The following PCNX2 variants were observed in gnomAD, a reference collection of about 807,000 sequenced individuals.
The protein encoded by PCNX2 is pecanex 2, also known as pecanex-like protein 2.
In PCNX2, 168 loss-of-function variants were observed where a neutral mutation model predicts 223.8. The observed-to-expected ratio is 0.75, with a 90% CI of 0.66 to 0.85. The LOEUF is 0.85. PCNX2 is among the 40% of genes least tolerant of loss of function. The probability of loss-of-function intolerance (pLI) is 0.00; values close to 1 mark genes in which losing one functional copy is unlikely to be tolerated. For missense variants in PCNX2, 2,507 were observed against 2,675.5 expected (o/e 0.94, Z 1.39); for synonymous variants, 1,006 against 1,052.6 (o/e 0.96, Z 0.86).
intron 1 of PCNX2, chr1:233,289,390 C>T (rs550951156): frequency 8.0e-6 from 11 of 1,374,414 alleles, no homozygotes; most frequent in African/African-American, 5.7e-5. Flanking sequence ...ATGCGGGACT[C>T]GAACTCGTCC....
chr1:233,252,532 T>C, intron 6 of PCNX2, 33 bp from the exon 7 acceptor site: 3 of 1,589,276 alleles, frequency 1.9e-6, no homozygotes, highest in Non-Finnish European at 2.6e-6. Flanking sequence ...AAAAAAATGA[T>C]TAGAAGTTCC....
rs1304050785 is a variant in PCNX2 at position 233,211,705 on chromosome 1, T to G, written c.2692-3016A>C. ...TTTGCCTGGCTTCCTCTACCAACCA[T>G]GGGGAGGCATGCATGTGGCACTGGA... is the stretch of plus-strand genomic sequence containing the variant. On this transcript the variant is annotated intron_variant, in intron 12 of 33. Transcript: ENST00000258229. 9.9e-6 allele frequency: 9 copies of G among 912,860 alleles called. No homozygotes were observed. In the African/African-American group the frequency reaches 1.6e-4, roughly 16 times the overall value. 56.5% of individuals were successfully genotyped at this position (912,860 alleles called of 1,614,324 possible).
At chr1:233,094,068 C>T (rs1052399296) in intron 22 of PCNX2, among the ~76,000 whole-genome samples, 38 of 152,114 alleles carry the variant, frequency 2.5e-4, no homozygotes, top group African/African-American at 8.7e-4. Flanking sequence ...TTAATTCAGT[C>T]GTGGAACTCC....
the PCNX2 span, among the ~76,000 whole-genome samples, chr1:233,319,875 C>A: frequency 6.6e-6 from 1 of 152,048 alleles, no homozygotes; most frequent in Admixed American, 6.6e-5. Context: ...ATTAATAATT[C>A]CATTACATGG....
In PCNX2 at chr1:233,137,932, C is replaced by T. The variant is rs1676903436; in HGVS notation, c.3659+1782G>A. Among the ~76,000 whole-genome samples the T allele has an allele frequency of 3.3e-5, 5 of 152,226 alleles. No homozygotes were observed. In the South Asian group the frequency reaches 1.0e-3, roughly 31 times the overall value. ...AGTGCCTGCTGTTGAAAAGTTCACT[C>T]TGTGACTATTTAGTACAATGGCTCT... On this transcript the variant is annotated intron_variant, in intron 20 of 33. Transcript: ENST00000258229.
chr1:233,050,088 T>C (rs556345623), intron 25 of PCNX2, among the ~76,000 whole-genome samples: 7 of 151,384 alleles, frequency 4.6e-5, no homozygotes, highest in Admixed American at 2.6e-4. Context: ...GGGCCTGTCA[T>C]GGGGTGGGGG....
intron 21 of PCNX2, among the ~76,000 whole-genome samples, chr1:233,134,081 G>GA (rs1460601339): frequency 6.6e-6 from 1 of 152,110 alleles, no homozygotes; most frequent in Non-Finnish European, 1.5e-5. Context: ...TTAAAATTTA[G>GA]AAAGACTTAC....
intron 21 of PCNX2, among the ~76,000 whole-genome samples, chr1:233,104,534 A>C (rs1674657278): frequency 6.6e-6 from 1 of 152,132 alleles, no homozygotes; most frequent in South Asian, 2.1e-4. Context: ...AATAGGTAGA[A>C]TTACAAGGAA....
intron 26 of PCNX2, among the ~76,000 whole-genome samples, chr1:233,023,680 T>TC (rs1193181571): frequency 6.6e-6 from 1 of 152,194 alleles, no homozygotes; most frequent in Non-Finnish European, 1.5e-5. Context: ...TCCCAAATCT[T>TC]CCCCCATTTA....
chr1:233,116,160 G>C (rs1675395154), intron 21 of PCNX2, among the ~76,000 whole-genome samples: 1 of 151,876 alleles, frequency 6.6e-6, no homozygotes, highest in Non-Finnish European at 1.5e-5. Context: ...AGAAAAAACA[G>C]ACAAATCACA....
Position 233,295,315 on chromosome 1 carries a change from T to TC in PCNX2, c.153+10dup, listed in dbSNP as rs1433816820. The TC allele has an allele frequency of 1.3e-6, 2 of 1,573,958 alleles. No individual in the cohort carries two copies. Among genetic ancestry groups the TC allele is most frequent in the South Asian group, 1.2e-5 (1 of 85,522 alleles). ...CCCACAGCTCCCCGGGACCGGACCC[T>TC]CCCCACTCACCAGGTGCAGGGCCAG... On this transcript the variant is annotated intron_variant, in intron 1 of 33. Transcript: ENST00000258229. The surrounding 1 kb of genome is among the most constrained non-coding windows in gnomAD (Gnocchi z 4.1).
Position 233,001,697 on chromosome 1 carries a change from C to T in PCNX2, c.4953-16G>A, listed in dbSNP as rs765750192. 3.3e-6 allele frequency: 5 copies of T among 1,533,600 alleles called. No homozygotes were observed. Among genetic ancestry groups the T allele is most frequent in the African/African-American group, 1.4e-5 (1 of 73,288 alleles). 95.0% of individuals were successfully genotyped at this position (1,533,600 alleles called of 1,614,324 possible). A position where few individuals can be genotyped will look rare whatever the true frequency, so the allele number is the denominator to read the frequency against. ...AGAATCCAGGCTGCAAAACAAAGTC[C>T]TATTACTATGGAACAAATTTCAGAA... On this transcript the variant is annotated splice_polypyrimidine_tract_variant and intron_variant, in intron 28 of 33. Transcript: ENST00000258229. The surrounding 1 kb of genome is among the most constrained non-coding windows in gnomAD (Gnocchi z 4.2).
intron 10 of PCNX2, among the ~76,000 whole-genome samples, chr1:233,226,894 C>T (rs1453381341): frequency 1.3e-5 from 2 of 152,134 alleles, no homozygotes; most frequent in Non-Finnish European, 2.9e-5. Context: ...GACGTGAGTA[C>T]ACCAAAGCAT....
intron 12 of PCNX2, 135 bp from the exon 13 acceptor site, chr1:233,208,824 TACA>T: frequency 1.7e-4 from 2 of 11,464 alleles, no homozygotes; most frequent in Non-Finnish European, 3.4e-4. Flanking sequence ...ACAATTCATA[TACA>T]AAAAAAAAAA....
At chr1:233,300,208 G>T (rs1662236909), upstream of PCNX2, among the ~76,000 whole-genome samples, 3 of 152,172 alleles carry the variant, frequency 2.0e-5, no homozygotes, top group South Asian at 6.2e-4. Context: ...TTTCCATAAT[G>T]AACAAGATAC....
At chr1:233,061,202 TA>T (rs1244508936) in intron 23 of PCNX2, among the ~76,000 whole-genome samples, 1 of 152,184 alleles carries the variant, frequency 6.6e-6, no homozygotes, top group Non-Finnish European at 1.5e-5. Context: ...ACTGTAATTC[TA>T]TTCATAGGCA....
chr1:233,009,594 G>A (rs2102809758), intron 28 of PCNX2, among the ~76,000 whole-genome samples: 1 of 152,318 alleles, frequency 6.6e-6, no homozygotes, highest in South Asian at 2.1e-4. Context: ...CTATTGTCTG[G>A]TGCAAAATCC....
chr1:233,023,202 T>C (rs1417018325), intron 26 of PCNX2, among the ~76,000 whole-genome samples: 3 of 152,180 alleles, frequency 2.0e-5, no homozygotes, highest in African/African-American at 7.2e-5. Context: ...AAGGAAATAC[T>C]CAAGGGACAC....
Position 233,097,815 on chromosome 1 carries a change from C to T in PCNX2, c.3838-1952G>A, listed in dbSNP as rs561498362. On this transcript the variant is annotated intron_variant, in intron 21 of 33. Coordinates refer to ENST00000258229, the MANE Select transcript of PCNX2 (RefSeq NM_014801.4). ...CTTGACTCACTTCTGTGAAGAGACACGATTTGCATTAAAAGTGAATATCAT... is the reference window on the plus strand; with the variant it reads ...CTTGACTCACTTCTGTGAAGAGACATGATTTGCATTAAAAGTGAATATCAT... Among the ~76,000 whole-genome samples, 8 of 152,288 alleles carry T rather than the reference C, an allele frequency of 5.3e-5. No individual in the cohort carries two copies. The South Asian group carries it at 8.3e-4, about 16-fold the overall frequency.
Sources: allele counts gnomAD v4.1 joint callset (sites outside exome capture counted in the v4.1 genomes callset), GRCh38; gene constraint gnomAD v4.1.1; non-coding constraint Gnocchi (gnomAD v3.1); transcripts MANE v1.5; gene names NCBI Gene and HGNC (gene_info 2026-07-23, HGNC 2026-07-21).